The following BCAR1 variants were observed in gnomAD, a reference collection of about 807,000 sequenced individuals.
BCAR1 encodes BCAR1 scaffold protein, Cas family member.
BCAR1 carries 30 observed loss-of-function variants against 67.6 expected under a neutral mutation model. The observed-to-expected ratio is 0.44, with a 90% CI of 0.33 to 0.60. BCAR1 has a LOEUF of 0.60. Among genes scored for constraint, BCAR1 ranks in the 20% least tolerant of loss-of-function variants. BCAR1 has a pLI of 0.02. For synonymous variants in BCAR1, 626 were observed against 556.7 expected (o/e 1.12, Z -1.75); for missense variants, 1,313 against 1,222.3 (o/e 1.07, Z -1.11).
At chr16:75,244,709 C>T (rs1411148411) in intron 1 of BCAR1, among the ~76,000 whole-genome samples, 2 of 152,122 alleles carry the variant, frequency 1.3e-5, no homozygotes, top group African/African-American at 4.8e-5. Context: ...GAGCAAGGCC[C>T]AAGGGAGGGG....
rs139270175 is a variant in BCAR1, at chr16:75,235,148, C to T, written c.1751G>A (p.Arg584Gln). 2,097 of 1,608,810 alleles carry T rather than the reference C, an allele frequency of 1.3e-3. 4 individuals carry two copies. Among genetic ancestry groups the T allele is most frequent in the Non-Finnish European group, 1.6e-3 (1,891 of 1,179,906 alleles). ...EDLDRLVACS[R>Q]AVPEDAKQLA... ...CTGCTTGGCGTCCTCGGGCACAGCC[C>T]GCGAGCAGGCCACCAGCCGGTCCAG... is the stretch of plus-strand genomic sequence containing the variant. The change falls in exon 5 of 7, where the codon CGG (arginine) becomes CAG (glutamine). Residue 584 changes from arginine to glutamine, a missense_variant. By Grantham distance (43) the Arg-to-Gln change is conservative. This residue lies in a region of BCAR1 where 1,272 missense variants were observed against 1,137.5 expected (regional missense o/e 1.12). Transcript: ENST00000162330.
At chr16:75,263,685 G>A (rs1264445657) in intron 1 of BCAR1, 1 of 985,406 alleles carries the variant, frequency 1.0e-6, no homozygotes, top group Non-Finnish European at 1.2e-6. Flanking sequence ...AATTTCTGTG[G>A]GCCAAAGTGC....
upstream of BCAR1, among the ~76,000 whole-genome samples, chr16:75,253,970 A>ATTT (rs34459394): frequency 0.019 from 2,749 of 147,870 alleles, 89 homozygotes; most frequent in African/African-American, 0.062. Flanking sequence ...GTTAGCCCCA[A>ATTT]TTTTTTTTTT....
chr16:75,263,118 T>TG, intron 1 of BCAR1: 1 of 834,010 alleles, frequency 1.2e-6, no homozygotes, highest in Non-Finnish European at 1.4e-6. Flanking sequence ...GCGGCATCCC[T>TG]GAAAGGAGCC....
intron 1 of BCAR1, among the ~76,000 whole-genome samples, chr16:75,267,210 A>G (rs1195798434): frequency 6.6e-6 from 1 of 152,168 alleles, no homozygotes; most frequent in African/African-American, 2.4e-5. Context: ...AAAGAGGGAA[A>G]TCCAGGCCTC....
At chr16:75,252,584 C>A (rs187694708), upstream of BCAR1, among the ~76,000 whole-genome samples, 2 of 151,890 alleles carry the variant, frequency 1.3e-5, no homozygotes, top group South Asian at 4.1e-4. Context: ...GATGATAGGA[C>A]CGAGCCTGGT....
Position 75,235,865 on chromosome 16 carries a change from G to T in BCAR1, c.1034C>A (p.Pro345Gln), listed in dbSNP as rs1161069372. 1.3e-6 allele frequency: 2 copies of T among 1,565,278 alleles called. No homozygotes were observed. The highest frequency in any genetic ancestry group is 1.7e-6 in the Non-Finnish European group (2 of 1,156,492). ...KAKPFDPART[P>Q]LVLAAPPPDS... ...TGGAGGGGGCGCAGCCAGTACCAGT[G>T]GGGTGCGGGCCGGGTCAAAGGGCTT... The change falls in exon 5 of 7, where the codon CCA becomes CAA. Residue 345 changes from proline (P) to glutamine (Q), a missense_variant. Pro to Gln is a moderately conservative substitution (Grantham distance 76). Coordinates refer to ENST00000162330, the MANE Select transcript of BCAR1 (RefSeq NM_014567.5).
At chr16:75,243,921 C>T (rs921051790) in intron 1 of BCAR1, among the ~76,000 whole-genome samples, 3 of 152,220 alleles carry the variant, frequency 2.0e-5, no homozygotes, top group African/African-American at 7.2e-5. Context: ...GCAGGATGGG[C>T]CCAGAGAGAC....
chr16:75,236,125 C>T lies in BCAR1; in HGVS notation c.913-139G>A, dbSNP rs1352208885. 3.6e-6 allele frequency: 4 copies of T among 1,126,096 alleles called. No individual in the cohort carries two copies. The East Asian group carries it at 1.0e-4, about 30-fold the overall frequency. 69.8% of individuals were successfully genotyped at this position (1,126,096 alleles called of 1,614,324 possible). ...ACAGAGGCACGCGCACACACACAGG[C>T]ACACATACAAATGCAGAGGCACGCA... On this transcript the variant is annotated intron_variant, in intron 4 of 6. Transcript: ENST00000162330.
At chr16:75,234,342 TG>T (rs1209236463) in intron 5 of BCAR1, among the ~76,000 whole-genome samples, 1 of 152,014 alleles carries the variant, frequency 6.6e-6, no homozygotes, top group Non-Finnish European at 1.5e-5. Context: ...GGGCAGAGGG[TG>T]GGGTACCCGC....
intron 2 of BCAR1, 118 bp from the exon 3 acceptor site, chr16:75,237,462 C>CG (rs1259080937): frequency 1.6e-6 from 2 of 1,253,802 alleles, no homozygotes; most frequent in African/African-American, 3.2e-5. Flanking sequence ...GTGGAAGGGA[C>CG]GGGGCTCCCC....
rs1264823835 is a variant in BCAR1 at position 75,242,814 on chromosome 16, A to G, written c.289T>C (p.Ser97Pro). ...PGLHAPAPPA[S>P]QYTPMLPNTY... ...TTGGGGAGCATGGGCGTGTACTGGG[A>G]GGCCGGAGGCGCTGGGGCATGGAGG... Residue 97 changes from serine (S) to proline (P), a missense_variant, in exon 2 of 7, where the codon TCC becomes CCC. Physicochemically the swap from Ser to Pro is moderately conservative, Grantham distance 74. Transcript: ENST00000162330. 1.9e-6 allele frequency: 3 copies of G among 1,604,026 alleles called. No individual in the cohort carries two copies. In the Admixed American group the frequency reaches 5.0e-5, roughly 27 times the overall value.
intron 1 of BCAR1, 52 bp from the exon 2 acceptor site, chr16:75,243,142 AGGGGCTCCCCAGCTCCTGCCCTGCTCTG>A: frequency 1.3e-6 from 2 of 1,523,064 alleles, no homozygotes; most frequent in Non-Finnish European, 1.8e-6. Flanking sequence ...ATGGGGCGTC[AGGGGCTCCCCAGCTCCTGCCCTGCTCTG>A]GGGAGGTGCC....
chr16:75,241,243 G>C (rs1169245972), intron 2 of BCAR1, among the ~76,000 whole-genome samples: 1 of 152,172 alleles, frequency 6.6e-6, no homozygotes, highest in Non-Finnish European at 1.5e-5. Flanking sequence ...GGGCGTATAC[G>C]TGTGTCCATT....
In BCAR1 at chr16:75,229,298, TG is replaced by T; in HGVS notation, c.*212del. On this transcript the variant is annotated 3_prime_UTR_variant, in exon 7 of 7. Coordinates refer to ENST00000162330, the MANE Select transcript of BCAR1 (RefSeq NM_014567.5). ...CGTGGTGCATGCTGGGGAAGGCCACTGGCCGGCCCCTGGGCTTCGGCTCCTG... is the reference window on the plus strand; with the variant it reads ...CGTGGTGCATGCTGGGGAAGGCCACTGCCGGCCCCTGGGCTTCGGCTCCTG... 1.3e-6 allele frequency: 1 copy of T among 778,306 alleles called. No homozygotes were observed. Among genetic ancestry groups the T allele is most frequent in the Non-Finnish European group, 1.9e-6 (1 of 527,238 alleles). 48.2% of individuals were successfully genotyped at this position (778,306 alleles called of 1,614,324 possible).
intron 3 of BCAR1, 73 bp downstream of exon 3, chr16:75,237,110 C>A: frequency 6.6e-7 from 1 of 1,505,808 alleles, no homozygotes; most frequent in South Asian, 1.4e-5. Context: ...GAAGATGCAG[C>A]TCTCGGCCCA....
At chr16:75,252,407 A>G (rs2077700605), upstream of BCAR1, 1 of 1,460,452 alleles carries the variant, frequency 6.8e-7, no homozygotes, top group Admixed American at 2.4e-5. Flanking sequence ...CACTGGGGGA[A>G]TGAGGGAGAT....
intron 2 of BCAR1, among the ~76,000 whole-genome samples, chr16:75,241,071 T>A (rs572556503): frequency 6.6e-6 from 1 of 152,386 alleles, no homozygotes; most frequent in South Asian, 2.1e-4. Flanking sequence ...TGTGTGCGTG[T>A]GCATACGCAC....
At chr16:75,244,016 C>T (rs188027083) in intron 1 of BCAR1, among the ~76,000 whole-genome samples, 2 of 152,310 alleles carry the variant, frequency 1.3e-5, no homozygotes, top group Non-Finnish European at 2.9e-5. Flanking sequence ...GCCAGGGCTG[C>T]GGCCCCTCCT....
Sources: gnomAD v4.1 joint callset for allele counts (sites outside exome capture counted in the v4.1 genomes callset) on GRCh38, gnomAD v4.1.1 for gene constraint, gnomAD v4.1.1 regional missense constraint, MANE v1.5 for transcripts, NCBI Gene and HGNC (gene_info 2026-07-23, HGNC 2026-07-21) for gene names.